The following FAXDC2 variants were observed in gnomAD, a reference collection of about 807,000 sequenced individuals.
FAXDC2 encodes the protein fatty acid hydroxylase domain containing 2.
FAXDC2 carries 41 observed loss-of-function variants against 40.9 expected under a neutral mutation model. The observed-to-expected ratio is 1.00, with a 90% CI of 0.78 to 1.30. The LOEUF (loss-of-function observed/expected upper bound fraction) is 1.30, where lower values mean the gene tolerates loss of function less well. Among genes scored for constraint, FAXDC2 ranks in the 50% most tolerant of loss-of-function variants. The pLI is 0.00. For missense variants in FAXDC2, 390 were observed against 408.8 expected, an observed-to-expected ratio of 0.95 and a Z score of 0.40; for synonymous variants, 157 against 149.3, an observed-to-expected ratio of 1.05 and a Z score of -0.38.
At chr5:154,843,948 G>A (rs1760537305) in intron 1 of FAXDC2, among the ~76,000 whole-genome samples, 1 of 152,198 alleles carries the variant, frequency 6.6e-6, no homozygotes, top group Admixed American at 6.5e-5. Context: ...GTCGGGTGCA[G>A]TGGCTCATGC....
At chr5:154,838,028 C>A in intron 2 of FAXDC2, 103 bp downstream of exon 2, 1 of 784,746 alleles carries the variant, frequency 1.3e-6, no homozygotes, top group Admixed American at 2.1e-5. Context: ...TGTCAGCCAC[C>A]CCTAAACCTT....
intron 2 of FAXDC2, among the ~76,000 whole-genome samples, chr5:154,837,198 A>G (rs763176723): frequency 1.3e-5 from 2 of 152,036 alleles, no homozygotes; most frequent in Non-Finnish European, 2.9e-5. Flanking sequence ...ACTGACTCGC[A>G]TTCTCTCACG....
intron 4 of FAXDC2, chr5:154,831,152 G>A (rs1760178805): frequency 2.3e-6 from 1 of 430,940 alleles, no homozygotes; most frequent in East Asian, 3.6e-5. Context: ...CAACCTTCAA[G>A]GTGGTTGGTG....
Position 154,820,189 on chromosome 5 carries a change from TC to T in FAXDC2, c.*126del. The stretch of plus-strand genomic sequence containing the variant: ...CCCTGCTTTTCCGGGAAGCCGACCT[TC>T]CCTCTACCCTGGTGGTGCCATCATT... On this transcript the variant is annotated 3_prime_UTR_variant, in exon 9 of 9. Coordinates refer to ENST00000326080, the MANE Select transcript of FAXDC2 (RefSeq NM_032385.5). 2.7e-6 allele frequency: 2 copies of T among 748,772 alleles called. No homozygotes were observed. The highest frequency in any genetic ancestry group is 2.4e-4 in the Middle Eastern group (1 of 4,178). The allele number at this position is 748,772 out of a possible 1,614,324, so 46.4% of individuals were successfully genotyped here. A position where few individuals can be genotyped will look rare whatever the true frequency, so the allele number is the denominator to read the frequency against.
intron 1 of FAXDC2, among the ~76,000 whole-genome samples, chr5:154,840,704 C>T (rs958463442): frequency 6.6e-6 from 1 of 152,120 alleles, no homozygotes; most frequent in African/African-American, 2.4e-5. Flanking sequence ...GCACATACCA[C>T]CATACCCAGC....
chr5:154,826,947 A>G (rs1023562039), intron 5 of FAXDC2, among the ~76,000 whole-genome samples: 1 of 152,218 alleles, frequency 6.6e-6, no homozygotes, highest in African/African-American at 2.4e-5. Context: ...TAATTCTTAC[A>G]TTATTTTTCA....
At chr5:154,841,157 ACT>A (rs930445914) in intron 1 of FAXDC2, among the ~76,000 whole-genome samples, 2 of 151,944 alleles carry the variant, frequency 1.3e-5, no homozygotes, top group Non-Finnish European at 1.5e-5. Context: ...GGTTTCAGAC[ACT>A]CTAGAACAGG....
chr5:154,822,466 A>G lies in FAXDC2; in HGVS notation c.678+6T>C. On this transcript the variant is annotated splice_donor_region_variant and intron_variant, in intron 7 of 8. Coordinates refer to ENST00000326080, the MANE Select transcript of FAXDC2 (RefSeq NM_032385.5). Reference sequence around the variant, plus strand: ...TTTGCTCTGGGGAGCATAGAGCTCTACTCACTGCATGCTCTATAGGGTGGG... The same window carrying G: ...TTTGCTCTGGGGAGCATAGAGCTCTGCTCACTGCATGCTCTATAGGGTGGG... The G allele has an allele frequency of 1.3e-6, 2 of 1,591,826 alleles. No individual in the cohort carries two copies.
At chr5:154,832,794 G>T (rs1197999964) in intron 4 of FAXDC2, among the ~76,000 whole-genome samples, 1 of 152,048 alleles carries the variant, frequency 6.6e-6, no homozygotes, top group African/African-American at 2.4e-5. Context: ...TAGATTGCAG[G>T]TTCAAGCTAA....
chr5:154,824,418 A>C, intron 5 of FAXDC2: 1 of 692,054 alleles, frequency 1.4e-6, no homozygotes, highest in Non-Finnish European at 2.6e-6. Context: ...TTTCTGCCCC[A>C]AAGCGCGACA....
chr5:154,830,795 A>T lies in FAXDC2; in HGVS notation c.366+6T>A, dbSNP rs1760168565. ...TGCTTTGACCAGAAGTTGCAACAAC[A>T]CTTACAGGTTCATTCTTGCCGACCT... On this transcript the variant is annotated splice_donor_region_variant and intron_variant, in intron 5 of 8. Coordinates refer to ENST00000326080, the MANE Select transcript of FAXDC2 (RefSeq NM_032385.5). 2 of 1,613,996 alleles carry T rather than the reference A, an allele frequency of 1.2e-6. No individual in the cohort carries two copies. The highest frequency in any genetic ancestry group is 2.2e-5 in the South Asian group (2 of 91,076).
At chr5:154,846,283 T>TGA (rs1480610614) in intron 1 of FAXDC2, among the ~76,000 whole-genome samples, 1 of 151,868 alleles carries the variant, frequency 6.6e-6, no homozygotes, top group Non-Finnish European at 1.5e-5. Context: ...TGTGTGTGTG[T>TGA]GTGTGTGTGT....
At chr5:154,833,037 ACTT>A (rs1357533061) in intron 4 of FAXDC2, among the ~76,000 whole-genome samples, 1 of 150,976 alleles carries the variant, frequency 6.6e-6, no homozygotes, top group Non-Finnish European at 1.5e-5. Flanking sequence ...TCATTTAAAT[ACTT>A]CTTTTTTTTT....
At chr5:154,833,011 G>A (rs998160047) in intron 4 of FAXDC2, among the ~76,000 whole-genome samples, 21 of 151,908 alleles carry the variant, frequency 1.4e-4, no homozygotes, top group Non-Finnish European at 2.8e-4. Context: ...ATTTTTTAAT[G>A]GGGGAGGGAA....
intron 4 of FAXDC2, among the ~76,000 whole-genome samples, chr5:154,832,204 A>G (rs1339332471): frequency 6.7e-6 from 1 of 149,640 alleles, no homozygotes; most frequent in Admixed American, 6.7e-5. Context: ...CAATGAGCAC[A>G]TATTTACTTT....
At chr5:154,822,257 CAAA>C (rs1759908287) in intron 7 of FAXDC2, 1 of 525,512 alleles carries the variant, frequency 1.9e-6, no homozygotes, top group African/African-American at 1.9e-5. Flanking sequence ...GACCCTGTCT[CAAA>C]AAGAAAAAAA....
intron 1 of FAXDC2, among the ~76,000 whole-genome samples, chr5:154,846,109 A>C (rs1227733465): frequency 6.6e-6 from 1 of 151,980 alleles, no homozygotes; most frequent in Non-Finnish European, 1.5e-5. Context: ...GCCTGGACAC[A>C]TATTAGTGGC....
At chr5:154,820,542 C>T in intron 8 of FAXDC2, 70 bp from the exon 9 acceptor site, 1 of 1,337,896 alleles carries the variant, frequency 7.5e-7, no homozygotes. Context: ...TTCATTTGTG[C>T]CAGCCTCACA....
chr5:154,821,551 G>A, intron 7 of FAXDC2, 125 bp from the exon 8 acceptor site: 1 of 665,072 alleles, frequency 1.5e-6, no homozygotes, highest in Non-Finnish European at 2.5e-6. Context: ...GAAGGTGAGA[G>A]TTTCGGGACT....
Sources: allele counts gnomAD v4.1 joint callset (sites outside exome capture counted in the v4.1 genomes callset), GRCh38; gene constraint gnomAD v4.1.1; transcripts MANE v1.5; gene names NCBI Gene and HGNC (gene_info 2026-07-23, HGNC 2026-07-21).